The following LIN28B variants were observed in gnomAD, a reference collection of about 807,000 sequenced individuals.
The protein encoded by LIN28B is protein lin-28 homolog B.
Under a neutral mutation model 21.9 loss-of-function variants are expected in LIN28B, and 5 were observed. That is an observed-to-expected ratio of 0.23 (90% CI 0.12 to 0.48). LIN28B has a LOEUF of 0.48. Among genes scored for constraint, LIN28B ranks in the 20% least tolerant of loss-of-function variants. The pLI is 0.98. For synonymous variants in LIN28B, 109 were observed against 111.3 expected, an observed-to-expected ratio of 0.98 and a Z score of 0.13; for missense variants, 245 against 310.5, an observed-to-expected ratio of 0.79 and a Z score of 1.58.
intron 2 of LIN28B, among the ~76,000 whole-genome samples, chr6:104,961,099 T>C (rs148621052): frequency 0.011 from 1,730 of 152,310 alleles, 31 homozygotes; most frequent in African/African-American, 0.04. Context: ...AATTTGTAAT[T>C]TAAATAATCA....
intron 3 of LIN28B, among the ~76,000 whole-genome samples, chr6:105,046,354 T>C (rs1232760300): frequency 1.3e-5 from 2 of 152,348 alleles, no homozygotes; most frequent in East Asian, 3.9e-4. Context: ...ACTCATCCTT[T>C]TTTATAGCTG....
At chr6:105,017,256 A>G (rs1346248226) in intron 2 of LIN28B, among the ~76,000 whole-genome samples, 1 of 152,026 alleles carries the variant, frequency 6.6e-6, no homozygotes, top group African/African-American at 2.4e-5. Context: ...TAATGTATAG[A>G]TATTTGCCAA....
At chr6:105,058,096 G>T (rs923100631) in intron 3 of LIN28B, 5 of 409,626 alleles carry the variant, frequency 1.2e-5, no homozygotes, top group Admixed American at 2.9e-5. Flanking sequence ...TGGCTTGACG[G>T]TGCATTTTCT....
At chr6:104,939,856 T>G (rs1414892098) in intron 2 of LIN28B, among the ~76,000 whole-genome samples, 1 of 152,240 alleles carries the variant, frequency 6.6e-6, no homozygotes, top group East Asian at 1.9e-4. Context: ...TGACTAGTAC[T>G]GTTTAGTTCT....
intron 2 of LIN28B, among the ~76,000 whole-genome samples, chr6:104,991,422 G>C (rs1343092174): frequency 6.7e-6 from 1 of 150,032 alleles, no homozygotes; most frequent in African/African-American, 2.5e-5. Context: ...ACGGGGCGGC[G>C]GGGCAGAGGT....
intron 3 of LIN28B, 75 bp from the exon 4 acceptor site, chr6:105,078,339 G>A: frequency 7.4e-7 from 1 of 1,351,854 alleles, no homozygotes; most frequent in Non-Finnish European, 1.0e-6. Flanking sequence ...TAGTTTGTGT[G>A]TTTTCACATT....
intron 2 of LIN28B, among the ~76,000 whole-genome samples, chr6:104,976,874 C>G (rs1384386753): frequency 2.0e-5 from 3 of 152,160 alleles, no homozygotes; most frequent in Non-Finnish European, 4.4e-5. Context: ...CAGGCTTATA[C>G]TTTTTGTTAG....
chr6:104,946,763 ATAGAT>A lies in LIN28B; in HGVS notation c.19-3695_19-3691del, dbSNP rs557391848. Among the ~76,000 whole-genome samples the A allele has an allele frequency of 1.5e-3, 232 of 152,330 alleles. 1 individual carries two copies. The highest frequency in any genetic ancestry group is 6.8e-3 in the Middle Eastern group (2 of 294). On this transcript the variant is annotated intron_variant, in intron 2 of 5. Transcript: ENST00000635857. ...AGTTCAGTGATAGTTGACACATACTATAGATTAATTTTTCTTTAAACCATAAAGTG... is the reference window on the plus strand; with the variant it reads ...AGTTCAGTGATAGTTGACACATACTATAATTTTTCTTTAAACCATAAAGTG...
In LIN28B at chr6:105,022,063, A is replaced by C. The variant is rs114504521; in HGVS notation, c.199-4235A>C. ...AAGATTATGAAGGATCTCACCTACA[A>C]CCTAAGAGCAGAATTGTAGATTTTT... On this transcript the variant is annotated intron_variant, in intron 2 of 3. Transcript: ENST00000345080. Among the ~76,000 whole-genome samples the C allele has an allele frequency of 2.0e-5, 3 of 151,982 alleles. No homozygotes were observed. The South Asian group carries it at 6.2e-4, about 32-fold the overall frequency.
chr6:105,049,215 T>C (rs1771838621), intron 3 of LIN28B, among the ~76,000 whole-genome samples: 1 of 152,210 alleles, frequency 6.6e-6, no homozygotes, highest in South Asian at 2.1e-4. Context: ...TTGTTCTCAT[T>C]GGTTTCAAAG....
chr6:104,970,452 A>G (rs562131780), intron 2 of LIN28B, among the ~76,000 whole-genome samples: 1 of 152,332 alleles, frequency 6.6e-6, no homozygotes, highest in African/African-American at 2.4e-5. Context: ...AGAATGAAGC[A>G]TAAAACTTTG....
intron 2 of LIN28B, among the ~76,000 whole-genome samples, chr6:104,977,242 A>C (rs1248493690): frequency 6.6e-6 from 1 of 152,056 alleles, no homozygotes; most frequent in Non-Finnish European, 1.5e-5. Flanking sequence ...TTGTAAACAC[A>C]CCCTTCACTT....
chr6:104,987,509 A>G (rs1294813325), intron 2 of LIN28B, among the ~76,000 whole-genome samples: 1 of 152,034 alleles, frequency 6.6e-6, no homozygotes, highest in African/African-American at 2.4e-5. Flanking sequence ...ATGCCCAGCC[A>G]AATTTTTTTA....
intron 2 of LIN28B, among the ~76,000 whole-genome samples, chr6:105,000,912 G>A (rs548074928): frequency 6.6e-4 from 101 of 152,232 alleles, no homozygotes; most frequent in African/African-American, 1.8e-3. Flanking sequence ...GTTTCACCTC[G>A]TTGAACTCCA....
chr6:104,984,806 G>A (rs780057862), intron 2 of LIN28B, among the ~76,000 whole-genome samples: 57 of 152,270 alleles, frequency 3.7e-4, no homozygotes, highest in Non-Finnish European at 7.6e-4. Flanking sequence ...TATTCATTGA[G>A]AATGTTATGA....
intron 2 of LIN28B, among the ~76,000 whole-genome samples, chr6:104,986,386 G>A (rs751425839): frequency 1.3e-5 from 2 of 151,944 alleles, no homozygotes; most frequent in Non-Finnish European, 2.9e-5. Context: ...TCCTTGCTCT[G>A]GCATTAGATT....
chr6:104,992,185 CA>C (rs1356237573), intron 2 of LIN28B, among the ~76,000 whole-genome samples: 1 of 151,994 alleles, frequency 6.6e-6, no homozygotes, highest in Non-Finnish European at 1.5e-5. Flanking sequence ...CTCAGCCTCC[CA>C]AGTAGCTGGG....
At chr6:105,050,650 GC>G (rs1466696828) in intron 3 of LIN28B, among the ~76,000 whole-genome samples, 1 of 136,776 alleles carries the variant, frequency 7.3e-6, no homozygotes, top group African/African-American at 2.8e-5. Context: ...TTGAACATTG[GC>G]CCCCACTCTC....
At chr6:104,992,859 T>C (rs182378446) in intron 2 of LIN28B, among the ~76,000 whole-genome samples, 33 of 152,254 alleles carry the variant, frequency 2.2e-4, no homozygotes, top group Admixed American at 2.1e-3. Context: ...TTTATACTTT[T>C]ACTTTTCTCA....
Sources: allele counts gnomAD v4.1 joint callset (sites outside exome capture counted in the v4.1 genomes callset), GRCh38; gene constraint gnomAD v4.1.1; transcripts MANE v1.5; gene names NCBI Gene and HGNC (gene_info 2026-07-23, HGNC 2026-07-21).